ARHGAP6: variants seen among roughly 807,000 people sequenced by gnomAD.
The protein encoded by ARHGAP6 is Rho GTPase activating protein 6.
In ARHGAP6, 16 loss-of-function variants were observed where a neutral mutation model predicts 55.7. The observed-to-expected ratio is 0.29, with a 90% CI of 0.19 to 0.44. ARHGAP6 has a LOEUF of 0.44. ARHGAP6 is among the 20% of genes least tolerant of loss of function. ARHGAP6 has a pLI of 1.00. For missense variants in ARHGAP6, 698 were observed against 808.9 expected (o/e 0.86, Z 1.66); for synonymous variants, 382 against 360.9 (o/e 1.06, Z -0.66).
At chrX:11,198,085 C>G (rs1474537598) in intron 2 of ARHGAP6, among the ~76,000 whole-genome samples, 1 of 111,852 alleles carries the variant, frequency 8.9e-6, no homozygotes, top group Admixed American at 9.5e-5. Context: ...ACAGAGTAAG[C>G]ATTATGAAAC....
chrX:11,292,205 A>T (rs2048006847), intron 1 of ARHGAP6, among the ~76,000 whole-genome samples: 1 of 112,261 alleles, frequency 8.9e-6, no homozygotes, highest in Admixed American at 9.5e-5. Flanking sequence ...ATCCAAGTAT[A>T]ACATCAACTG....
chrX:11,556,758 A>T (rs1263393716), intron 1 of ARHGAP6, among the ~76,000 whole-genome samples: 1 of 112,165 alleles, frequency 8.9e-6, no homozygotes, highest in African/African-American at 3.2e-5. Context: ...CCTCTTTAAA[A>T]GTAGAAATCA....
At chrX:11,247,680 G>C (rs1252876848) in intron 2 of ARHGAP6, among the ~76,000 whole-genome samples, 1 of 112,204 alleles carries the variant, frequency 8.9e-6, no homozygotes, top group East Asian at 2.8e-4. Context: ...TTGACCATTT[G>C]TATTAAAATG....
intron 2 of ARHGAP6, among the ~76,000 whole-genome samples, chrX:11,248,119 A>G (rs889589495): frequency 2.7e-5 from 3 of 112,040 alleles, no homozygotes; most frequent in Non-Finnish European, 3.8e-5. Flanking sequence ...GTACATCTCC[A>G]GGCTAAATGG....
At chrX:11,170,768 G>A (rs1240642268) in intron 8 of ARHGAP6, among the ~76,000 whole-genome samples, 2 of 111,717 alleles carry the variant, frequency 1.8e-5, no homozygotes, top group Non-Finnish European at 3.8e-5. Flanking sequence ...GGACAGTTAA[G>A]TGAGGAACAT....
chrX:11,513,651 G>T (rs764206474), intron 1 of ARHGAP6, among the ~76,000 whole-genome samples: 1 of 110,951 alleles, frequency 9.0e-6, no homozygotes, highest in Non-Finnish European at 1.9e-5. Context: ...AGACTGAAAC[G>T]TATGAGACCC....
rs577183092 is a variant in ARHGAP6 at position 11,472,258 on chromosome X, T to C, written c.588+191983A>G. On this transcript the variant is annotated intron_variant, in intron 1 of 12. Transcript: ENST00000337414. Reference sequence around the variant, plus strand: ...CCCCAGTTGTAAGAACAAAAAAATCTCCAGATCGCCAAATTTGCCCTGGGG... The same window carrying C: ...CCCCAGTTGTAAGAACAAAAAAATCCCCAGATCGCCAAATTTGCCCTGGGG... Among the ~76,000 whole-genome samples, 34 of 111,515 alleles carry C rather than the reference T, an allele frequency of 3.0e-4. No homozygotes were observed. The Middle Eastern group carries it at 0.018, about 60-fold the overall frequency.
intron 1 of ARHGAP6, among the ~76,000 whole-genome samples, chrX:11,497,387 T>C (rs578205582): frequency 2.7e-5 from 3 of 111,147 alleles, no homozygotes; most frequent in East Asian, 5.7e-4. Flanking sequence ...CTAAAATTCA[T>C]ATGTTGAAGC....
intron 8 of ARHGAP6, among the ~76,000 whole-genome samples, chrX:11,174,664 T>TTTCTTTC (rs1491461375): frequency 1.1e-5 from 1 of 89,893 alleles, no homozygotes; most frequent in African/African-American, 4.4e-5. Context: ...TCTTTCTTTC[T>TTTCTTTC]TTCTTTCTTT....
chrX:11,220,614 C>A (rs932023504), intron 2 of ARHGAP6, among the ~76,000 whole-genome samples: 1 of 110,535 alleles, frequency 9.0e-6, no homozygotes, highest in Non-Finnish European at 1.9e-5. Flanking sequence ...GCCTGCCTTA[C>A]AAGAGCTCCT....
intron 1 of ARHGAP6, among the ~76,000 whole-genome samples, chrX:11,539,955 C>G (rs1199357679): frequency 9.0e-6 from 1 of 110,951 alleles, no homozygotes; most frequent in African/African-American, 3.3e-5. Context: ...CAAAACAAAA[C>G]AAAACAAAAC....
chrX:11,475,579 ACAC>A (rs2050395231), intron 1 of ARHGAP6, among the ~76,000 whole-genome samples: 1 of 109,528 alleles, frequency 9.1e-6, no homozygotes, highest in African/African-American at 3.3e-5. Context: ...ACACACACAC[ACAC>A]ACACACACAC....
At chrX:11,569,903 T>C (rs1187532828) in intron 1 of ARHGAP6, among the ~76,000 whole-genome samples, 1 of 112,169 alleles carries the variant, frequency 8.9e-6, no homozygotes, top group African/African-American at 3.2e-5. Context: ...AAATGTTGGC[T>C]GAGCAGAAGC....
At chrX:11,659,928 A>G (rs2052677828) in intron 1 of ARHGAP6, among the ~76,000 whole-genome samples, 1 of 112,040 alleles carries the variant, frequency 8.9e-6, no homozygotes, top group African/African-American at 3.3e-5. Context: ...TCATTACAGC[A>G]GTGATAGGAA....
At chrX:11,350,367 G>GA (rs918365900) in intron 1 of ARHGAP6, among the ~76,000 whole-genome samples, 1 of 111,901 alleles carries the variant, frequency 8.9e-6, no homozygotes, top group Non-Finnish European at 1.9e-5. Flanking sequence ...AAAATATTCG[G>GA]AAAAAAAGTT....
chrX:11,256,333 G>A (rs2047494282), intron 1 of ARHGAP6, among the ~76,000 whole-genome samples: 1 of 111,839 alleles, frequency 8.9e-6, no homozygotes, highest in Non-Finnish European at 1.9e-5. Flanking sequence ...AGGTTGCAGT[G>A]AGCCAAGATC....
At chrX:11,467,708 A>G (rs760444376) in intron 1 of ARHGAP6, among the ~76,000 whole-genome samples, 187 of 111,479 alleles carry the variant, frequency 1.7e-3, no homozygotes, top group Non-Finnish European at 2.9e-3. Flanking sequence ...GGTGAGACAC[A>G]GTGGCTCATG....
Position 11,534,780 on chromosome X carries a change from C to A in ARHGAP6, c.588+129461G>T, listed in dbSNP as rs189949608. Among the ~76,000 whole-genome samples, 15 of 111,533 alleles carry A rather than the reference C, an allele frequency of 1.3e-4. No homozygotes were observed. In the Admixed American group the frequency reaches 1.4e-3, roughly 11 times the overall value. On this transcript the variant is annotated intron_variant, in intron 1 of 12. Transcript: ENST00000337414. ...ATTTAACCCAGTGTAGCCAAGGTAT[C>A]ATAATTTTAACATGTAATCTACATA...
chrX:11,427,423 G>A (rs1026743610), intron 1 of ARHGAP6: 643 of 827,675 alleles, frequency 7.8e-4, no homozygotes, highest in Non-Finnish European at 9.4e-4. Context: ...TGACGTACCC[G>A]GCCACCCGCC....
Sources: gnomAD v4.1 joint callset for allele counts (sites outside exome capture counted in the v4.1 genomes callset) on GRCh38, gnomAD v4.1.1 for gene constraint, MANE v1.5 for transcripts, NCBI Gene and HGNC (gene_info 2026-07-23, HGNC 2026-07-21) for gene names.